CA1: variants seen among roughly 807,000 people sequenced by gnomAD.
The protein encoded by CA1 is carbonate dehydratase I.
Under a neutral mutation model 28.8 loss-of-function variants are expected in CA1, and 27 were observed. The ratio of observed to expected loss-of-function variants is 0.94; its 90% CI spans 0.69 to 1.29. The LOEUF is 1.29. Ranked by LOEUF, CA1 falls within the 50% of genes most tolerant of loss-of-function variation. The pLI, the probability that CA1 is intolerant of heterozygous loss-of-function variation, is 0.00. For synonymous variants in CA1, 121 were observed against 108.8 expected (o/e 1.11, Z -0.70); for missense variants, 335 against 310.5 (o/e 1.08, Z -0.59).
intron 4 of CA1, among the ~76,000 whole-genome samples, chr8:85,335,857 A>G (rs1046037959): frequency 5.3e-5 from 8 of 152,214 alleles, no homozygotes; most frequent in South Asian, 4.1e-4. Context: ...GCTTTACAAC[A>G]CAAGGTAAAG....
intron 1 of CA1, chr8:85,349,905 A>C (rs1809339730): frequency 6.6e-6 from 1 of 152,186 alleles, no homozygotes; most frequent in Non-Finnish European, 1.5e-5. Flanking sequence ...GGAGGAGAAA[A>C]AAGCAAAATT....
rs73691820 is a variant in CA1 at position 85,335,960 on chromosome 8, C to G, written c.354+985G>C. Among the ~76,000 whole-genome samples the G allele has an allele frequency of 3.9e-5, 6 of 152,236 alleles. No individual in the cohort carries two copies. In the South Asian group the frequency reaches 1.2e-3, roughly 32 times the overall value. ...AGCAGTCTGCCCTGGAAAAATCTAT[C>G]GTACATAATTACTTTCACTAGTGCA... On this transcript the variant is annotated intron_variant, in intron 4 of 7. Coordinates refer to ENST00000523022, the MANE Select transcript of CA1 (RefSeq NM_001128831.4).
At chr8:85,334,070 T>C (rs1205774741) in intron 4 of CA1, among the ~76,000 whole-genome samples, 1 of 152,178 alleles carries the variant, frequency 6.6e-6, no homozygotes, top group Non-Finnish European at 1.5e-5. Flanking sequence ...TCCAAACATC[T>C]CTCAAATAAA....
intron 4 of CA1, among the ~76,000 whole-genome samples, chr8:85,335,508 TG>T (rs1461282891): frequency 1.3e-5 from 2 of 152,212 alleles, no homozygotes; most frequent in East Asian, 3.8e-4. Flanking sequence ...ATTCAAACCC[TG>T]GCAGTCAGCT....
At chr8:85,359,071 G>C (rs1217021826) in intron 1 of CA1, among the ~76,000 whole-genome samples, 2 of 152,142 alleles carry the variant, frequency 1.3e-5, no homozygotes, top group African/African-American at 4.8e-5. Flanking sequence ...GTTTAGAAAG[G>C]AAAACAATCA....
rs1375496221 is a variant in CA1, at chr8:85,327,853, TTAAAG to T, written c.*702_*706del. On this transcript the variant is annotated 3_prime_UTR_variant, in exon 8 of 8. Coordinates refer to ENST00000523022, the MANE Select transcript of CA1 (RefSeq NM_001128831.4). ...TTCACTTGTGACTTTTCTTCCAATT[TTAAAG>T]TAAAGATTCTCCATGCAAACTAACT... 6.6e-6 allele frequency: 1 copy of T among 152,192 alleles called. No homozygotes were observed. The highest frequency in any genetic ancestry group is 6.5e-5 in the Admixed American group (1 of 15,268). The allele number at this position is 152,192 out of a possible 1,614,324, so 9.4% of individuals were successfully genotyped here. A position where few individuals can be genotyped will look rare whatever the true frequency, so the allele number is the denominator to read the frequency against.
intron 4 of CA1, among the ~76,000 whole-genome samples, chr8:85,335,605 A>C (rs1047939602): frequency 1.3e-5 from 2 of 152,152 alleles, no homozygotes; most frequent in African/African-American, 4.8e-5. Context: ...ATTGAACTGA[A>C]TTTAATCATA....
intron 1 of CA1, among the ~76,000 whole-genome samples, chr8:85,374,801 T>C (rs2725290): frequency 0.13 from 19,808 of 152,180 alleles, 1,637 homozygotes; most frequent in Non-Finnish European, 0.19. Context: ...TGTTTTGGCA[T>C]AGTGGATGCT....
At chr8:85,346,676 C>T (rs1809203415) in intron 1 of CA1, among the ~76,000 whole-genome samples, 1 of 152,066 alleles carries the variant, frequency 6.6e-6, no homozygotes. Context: ...GCAGGAGAAT[C>T]GCTTGAACCC....
At chr8:85,341,116 G>GC (rs58168534) in intron 2 of CA1, 123,470 of 153,498 alleles carry the variant, frequency 0.8, 50,700 homozygotes, top group African/African-American at 0.93. Context: ...TTGCACTCTA[G>GC]CTGGGCGACA....
At chr8:85,372,409 T>C (rs1187838429) in intron 1 of CA1, among the ~76,000 whole-genome samples, 2 of 152,214 alleles carry the variant, frequency 1.3e-5, no homozygotes, top group Admixed American at 6.6e-5. Context: ...GAAAGCAGTA[T>C]GGTGATTCCT....
At chr8:85,332,458 T>C (rs1446076869) in intron 6 of CA1, 32 bp downstream of exon 6, 4 of 1,513,346 alleles carry the variant, frequency 2.6e-6, no homozygotes, top group Non-Finnish European at 3.7e-6. Context: ...ATTCTTGTTC[T>C]CTGATTTAAA....
chr8:85,366,090 C>A (rs1339127144), intron 1 of CA1, among the ~76,000 whole-genome samples: 2 of 151,758 alleles, frequency 1.3e-5, no homozygotes, highest in East Asian at 3.9e-4. Flanking sequence ...TGGAGAGGAA[C>A]TGCAACTTTG....
intron 1 of CA1, among the ~76,000 whole-genome samples, chr8:85,377,092 T>C (rs183427301): frequency 6.6e-6 from 1 of 152,364 alleles, no homozygotes; most frequent in Admixed American, 6.5e-5. Flanking sequence ...AGATAACCTA[T>C]GAAAGATTGT....
chr8:85,345,129 A>G lies in CA1; in HGVS notation c.-24-3470T>C, dbSNP rs538954143. On this transcript the variant is annotated intron_variant, in intron 1 of 7. Coordinates refer to ENST00000523022, the MANE Select transcript of CA1 (RefSeq NM_001128831.4). ...GGGTTATCTGGATTTCACAGCTATCATTTTCTCTCAGTTGGGCTTTCTCAT... is the reference window on the plus strand; with the variant it reads ...GGGTTATCTGGATTTCACAGCTATCGTTTTCTCTCAGTTGGGCTTTCTCAT... Among the ~76,000 whole-genome samples, 12 of 152,182 alleles carry G rather than the reference A, an allele frequency of 7.9e-5. No homozygotes were observed. The South Asian group carries it at 2.1e-3, about 26-fold the overall frequency.
intron 1 of CA1, among the ~76,000 whole-genome samples, chr8:85,359,817 T>G (rs1226635287): frequency 6.6e-6 from 1 of 152,252 alleles, no homozygotes; most frequent in Non-Finnish European, 1.5e-5. Flanking sequence ...CTTATCTCTG[T>G]GCACTGGCCT....
At chr8:85,332,654 T>A in intron 5 of CA1, 102 bp from the exon 6 acceptor site, 1 of 825,544 alleles carries the variant, frequency 1.2e-6, no homozygotes, top group Non-Finnish European at 2.1e-6. Flanking sequence ...TGACAAGAGG[T>A]AAGGTATTTT....
intron 1 of CA1, among the ~76,000 whole-genome samples, chr8:85,372,636 A>AGT (rs2130404428): frequency 6.6e-6 from 1 of 152,370 alleles, no homozygotes; most frequent in Admixed American, 6.5e-5. Context: ...TTTCCCCCTT[A>AGT]ACCAAAGCTT....
intron 1 of CA1, among the ~76,000 whole-genome samples, chr8:85,358,982 GT>G (rs926117033): frequency 2.6e-5 from 4 of 152,294 alleles, no homozygotes; most frequent in Middle Eastern, 3.4e-3. Context: ...AAGCCACTGA[GT>G]TTTTGGGTGG....
Sources: gnomAD v4.1 joint callset for allele counts (sites outside exome capture counted in the v4.1 genomes callset) on GRCh38, gnomAD v4.1.1 for gene constraint, MANE v1.5 for transcripts, NCBI Gene and HGNC (gene_info 2026-07-23, HGNC 2026-07-21) for gene names.